MDGA2: variants seen among roughly 807,000 people sequenced by gnomAD.
The protein encoded by MDGA2 is MAM domain-containing glycosylphosphatidylinositol anchor protein 2.
In MDGA2, 40 loss-of-function variants were observed where a neutral mutation model predicts 117.8. That is an observed-to-expected ratio of 0.34 (90% confidence interval 0.26 to 0.44). The LOEUF (loss-of-function observed/expected upper bound fraction) is 0.44, where lower values mean the gene tolerates loss of function less well. Among genes scored for constraint, MDGA2 ranks in the 20% least tolerant of loss-of-function variants. MDGA2 has a pLI of 1.00. For synonymous variants in MDGA2, 452 were observed against 439.0 expected (o/e 1.03, Z -0.37); for missense variants, 1,123 against 1,250.6 (o/e 0.90, Z 1.54).
intron 1 of MDGA2, among the ~76,000 whole-genome samples, chr14:47,414,659 C>A (rs1475317588): frequency 6.6e-6 from 1 of 151,958 alleles, no homozygotes; most frequent in African/African-American, 2.4e-5. Context: ...GATCTGAAAC[C>A]TGCCAAGGTT....
At chr14:46,844,067 A>G (rs1049090026) in intron 16 of MDGA2, among the ~76,000 whole-genome samples, 1 of 152,168 alleles carries the variant, frequency 6.6e-6, no homozygotes, top group African/African-American at 2.4e-5. Context: ...ATTATTCATC[A>G]TGTTTTATTT....
intron 3 of MDGA2, among the ~76,000 whole-genome samples, chr14:47,215,430 T>G (rs1413384813): frequency 6.6e-6 from 1 of 152,066 alleles, no homozygotes; most frequent in Admixed American, 6.6e-5. Context: ...TAAAGCATGT[T>G]TTAAATTATA....
chr14:46,945,305 A>G (rs1374780352), intron 9 of MDGA2, among the ~76,000 whole-genome samples: 4 of 152,112 alleles, frequency 2.6e-5, no homozygotes, highest in African/African-American at 9.7e-5. Context: ...GTTAAGGAGT[A>G]CCTAGAATAA....
chr14:47,352,575 G>A (rs1288060864), intron 1 of MDGA2, among the ~76,000 whole-genome samples: 4 of 152,154 alleles, frequency 2.6e-5, no homozygotes, highest in African/African-American at 9.7e-5. Context: ...CTTACATTTA[G>A]TATGACTTGC....
intron 10 of MDGA2, among the ~76,000 whole-genome samples, chr14:46,919,499 G>C (rs1232243176): frequency 2.0e-5 from 3 of 152,106 alleles, no homozygotes; most frequent in Non-Finnish European, 2.9e-5. Context: ...GCTCCCTTAA[G>C]AAACTATCAT....
At chr14:47,324,680 T>C (rs893289320) in intron 1 of MDGA2, among the ~76,000 whole-genome samples, 1 of 152,320 alleles carries the variant, frequency 6.6e-6, no homozygotes, top group African/African-American at 2.4e-5. Context: ...TGTCTATGTG[T>C]TAATAGTTCA....
chr14:47,056,799 G>A (rs1431190879), intron 7 of MDGA2, among the ~76,000 whole-genome samples: 1 of 152,120 alleles, frequency 6.6e-6, no homozygotes, highest in Non-Finnish European at 1.5e-5. Flanking sequence ...TTTTGCAAAT[G>A]AGTGACAATC....
intron 14 of MDGA2, among the ~76,000 whole-genome samples, chr14:46,868,623 A>T (rs1382482619): frequency 6.6e-6 from 1 of 152,030 alleles, no homozygotes; most frequent in Non-Finnish European, 1.5e-5. Flanking sequence ...AAAGACAGCA[A>T]GAAAATCAGT....
At position 46,957,438 on chromosome 14, in the gene MDGA2, A is replaced by G. The variant is rs147111485; in HGVS notation, c.2025T>C (p.Tyr675=). The part of the protein sequence containing the change: ...YAVKSLSNEN[Y]GVYNCSIINE... Reference sequence around the variant, plus strand: ...TTATGATGCTACAGTTATAAACCCCATAGTTTTCATTGGAAAGACTCTTCA... The same window carrying G: ...TTATGATGCTACAGTTATAAACCCCGTAGTTTTCATTGGAAAGACTCTTCA... The change falls in exon 9 of 17, where the codon TAT becomes TAC. Residue 675 remains tyrosine (Y), a synonymous_variant. Coordinates refer to ENST00000399232, the MANE Select transcript of MDGA2 (RefSeq NM_001113498.3). 3.1e-5 allele frequency: 50 copies of G among 1,614,108 alleles called. No individual in the cohort carries two copies. The East Asian group carries it at 6.2e-4, about 20-fold the overall frequency.
At chr14:46,984,820 C>G (rs1333372493) in intron 8 of MDGA2, among the ~76,000 whole-genome samples, 1 of 151,878 alleles carries the variant, frequency 6.6e-6, no homozygotes, top group Non-Finnish European at 1.5e-5. Context: ...TCCACTTTGC[C>G]CTTTCATATT....
At chr14:47,361,554 G>C (rs1381505152) in intron 1 of MDGA2, among the ~76,000 whole-genome samples, 1 of 152,070 alleles carries the variant, frequency 6.6e-6, no homozygotes, top group Non-Finnish European at 1.5e-5. Context: ...TTTTTTTAAA[G>C]TATGTTGCTT....
intron 1 of MDGA2, among the ~76,000 whole-genome samples, chr14:47,474,967 C>G (rs998663675): frequency 6.6e-6 from 1 of 152,020 alleles, no homozygotes; most frequent in African/African-American, 2.4e-5. Flanking sequence ...GCAACAAAAG[C>G]AAAAATTGAC....
At chr14:47,127,163 CA>C (rs1412095901) in intron 5 of MDGA2, among the ~76,000 whole-genome samples, 2 of 152,054 alleles carry the variant, frequency 1.3e-5, no homozygotes, top group Non-Finnish European at 2.9e-5. Context: ...TGACATTTTG[CA>C]AACCAACAGT....
At chr14:46,949,592 G>C (rs893729863) in intron 9 of MDGA2, among the ~76,000 whole-genome samples, 16 of 151,928 alleles carry the variant, frequency 1.1e-4, no homozygotes, top group Non-Finnish European at 1.8e-4. Flanking sequence ...CCCATTTATA[G>C]ATGAGAACAC....
At chr14:46,990,580 CCTTTT>C (rs1211228530) in intron 8 of MDGA2, among the ~76,000 whole-genome samples, 2 of 151,886 alleles carry the variant, frequency 1.3e-5, no homozygotes, top group South Asian at 2.1e-4. Context: ...CCTTTTATCT[CCTTTT>C]ATTTTTGAGG....
At chr14:47,511,506 A>G (rs7492837) in intron 1 of MDGA2, among the ~76,000 whole-genome samples, 71,919 of 151,898 alleles carry the variant, frequency 0.47, 17,218 homozygotes, top group East Asian at 0.61. Context: ...TTTATAACAC[A>G]GAAAGTATCT....
chr14:46,902,249 TTTTG>T (rs1883315636), intron 10 of MDGA2, among the ~76,000 whole-genome samples: 2 of 152,308 alleles, frequency 1.3e-5, no homozygotes, highest in South Asian at 4.1e-4. Context: ...TTATTACTAT[TTTTG>T]TTTACTTCCC....
chr14:47,577,044 C>T lies in MDGA2; in HGVS notation c.280+97473G>A, dbSNP rs191741465. ...AAGATTACAAGCACGAGCCACCATG[C>T]CCAGCCTAGACTATTCTTAAAGAAA... On this transcript the variant is annotated intron_variant, in intron 1 of 16. Transcript: ENST00000399232. Among the ~76,000 whole-genome samples, 271 of 152,260 alleles carry T rather than the reference C, an allele frequency of 1.8e-3. 1 individual carries two copies. The highest frequency in any genetic ancestry group is 5.9e-3 in the African/African-American group (245 of 41,548).
At chr14:47,020,703 G>A (rs115309584) in intron 8 of MDGA2, among the ~76,000 whole-genome samples, 50 of 152,278 alleles carry the variant, frequency 3.3e-4, no homozygotes, top group African/African-American at 1.2e-3. Context: ...GCACTGTCAC[G>A]TGACTTATTA....
Sources: gnomAD v4.1 joint callset for allele counts (sites outside exome capture counted in the v4.1 genomes callset) on GRCh38, gnomAD v4.1.1 for gene constraint, MANE v1.5 for transcripts, NCBI Gene and HGNC (gene_info 2026-07-23, HGNC 2026-07-21) for gene names.